Variants in DLGAP1 observed in about 807,000 individuals in gnomAD.
The protein encoded by DLGAP1 is DLG associated protein 1.
DLGAP1 carries 11 observed loss-of-function variants against 90.8 expected under a neutral mutation model. The observed-to-expected ratio is 0.12, with a 90% CI of 0.08 to 0.20. DLGAP1 has a LOEUF of 0.20. DLGAP1 is among the 10% of genes least tolerant of loss of function. DLGAP1 has a pLI of 1.00. For synonymous variants in DLGAP1, 558 were observed against 540.7 expected (o/e 1.03, Z -0.44); for missense variants, 1,050 against 1,333.8 (o/e 0.79, Z 3.31).
intron 3 of DLGAP1, among the ~76,000 whole-genome samples, chr18:3,985,507 G>A (rs1433990772): frequency 6.8e-6 from 1 of 147,930 alleles, no homozygotes; most frequent in East Asian, 2.0e-4. Context: ...CTTAAAGCCT[G>A]GGCCTTCGAC....
intron 1 of DLGAP1, among the ~76,000 whole-genome samples, chr18:4,162,609 T>C (rs183287599): frequency 1.5e-3 from 224 of 152,330 alleles, no homozygotes; most frequent in African/African-American, 4.8e-3. Context: ...AAAGGTTCTA[T>C]ACCTGATTTT....
At chr18:4,327,930 G>A (rs1377684946) in intron 1 of DLGAP1, among the ~76,000 whole-genome samples, 1 of 151,944 alleles carries the variant, frequency 6.6e-6, no homozygotes, top group African/African-American at 2.4e-5. Flanking sequence ...GAAGACATTT[G>A]AGTTCCTGAA....
intron 2 of DLGAP1, among the ~76,000 whole-genome samples, chr18:4,142,786 TTC>T (rs1568418574): frequency 1.3e-5 from 2 of 152,156 alleles, no homozygotes; most frequent in Non-Finnish European, 2.9e-5. Flanking sequence ...ATCTAAGTTT[TTC>T]TGTCACTATG....
At chr18:3,535,861 G>A (rs912304099) in intron 9 of DLGAP1, among the ~76,000 whole-genome samples, 21 of 151,648 alleles carry the variant, frequency 1.4e-4, no homozygotes, top group Admixed American at 1.2e-3. Context: ...GAATAATCCC[G>A]TCTCTACTAA....
chr18:4,221,007 G>A (rs2078063903), intron 1 of DLGAP1, among the ~76,000 whole-genome samples: 1 of 152,064 alleles, frequency 6.6e-6, no homozygotes, highest in Admixed American at 6.6e-5. Flanking sequence ...ACAGTCATAT[G>A]CTATACAGGT....
chr18:4,242,799 T>A (rs192625880), intron 1 of DLGAP1, among the ~76,000 whole-genome samples: 85 of 152,074 alleles, frequency 5.6e-4, no homozygotes, highest in Non-Finnish European at 1.0e-3. Context: ...GGTGAGATCA[T>A]GCATGTAGTA....
chr18:3,729,315 G>T lies in DLGAP1; in HGVS notation c.1411C>A (p.Leu471Met). ...AGCGCTTCCACGGCCTGCGACTCCA[G>T]CTCGCTGAACACGGACTCGCACACG... Reference protein sequence around the residue: ...ESVCESVFSELESQAVEALDL... With the variant: ...ESVCESVFSEMESQAVEALDL... Residue 471 changes from leucine to methionine, a missense_variant, in exon 7 of 13, where the codon CTG (leucine) becomes ATG (methionine). Physicochemically the swap from Leu to Met is conservative, Grantham distance 15. Coordinates refer to ENST00000315677, the MANE Select transcript of DLGAP1 (RefSeq NM_004746.4). This position sits in a 1 kb window ranked among gnomAD's most constrained non-coding sequence, Gnocchi z 6.2. 6.2e-7 allele frequency: 1 copy of T among 1,614,134 alleles called. No homozygotes were observed. The highest frequency in any genetic ancestry group is 8.5e-7 in the Non-Finnish European group (1 of 1,180,002).
chr18:3,700,119 C>T (rs1277699668), intron 7 of DLGAP1, among the ~76,000 whole-genome samples: 2 of 152,144 alleles, frequency 1.3e-5, no homozygotes, highest in Non-Finnish European at 2.9e-5. Context: ...AGCCCCCTTT[C>T]CAGGGTAGTG....
At chr18:3,746,572 A>C (rs1030104432) in intron 5 of DLGAP1, among the ~76,000 whole-genome samples, 37 of 152,204 alleles carry the variant, frequency 2.4e-4, no homozygotes, top group African/African-American at 8.7e-4. Flanking sequence ...AAGCAGCAAA[A>C]AGGGTTCACA....
At chr18:4,385,128 G>A (rs1315827482) in intron 1 of DLGAP1, among the ~76,000 whole-genome samples, 7 of 152,102 alleles carry the variant, frequency 4.6e-5, no homozygotes, top group Admixed American at 2.0e-4. Flanking sequence ...GGTAGACTCA[G>A]AAATAGAACC....
intron 7 of DLGAP1, among the ~76,000 whole-genome samples, chr18:3,694,939 G>GTTTTTTTTTTTTT (rs1219198458): frequency 8.8e-5 from 11 of 125,244 alleles, no homozygotes; most frequent in Non-Finnish European, 1.9e-4. Flanking sequence ...TGTTTTTTTT[G>GTTTTTTTTTTTTT]TTTTTTTTTT....
intron 5 of DLGAP1, among the ~76,000 whole-genome samples, chr18:3,789,144 A>G (rs1257079650): frequency 6.6e-6 from 1 of 152,232 alleles, no homozygotes; most frequent in Non-Finnish European, 1.5e-5. Context: ...CAGGGGAGAG[A>G]CACATGTAGA....
chr18:3,931,421 G>A (rs1482842625), intron 3 of DLGAP1, among the ~76,000 whole-genome samples: 2 of 152,110 alleles, frequency 1.3e-5, no homozygotes, highest in African/African-American at 4.8e-5. Flanking sequence ...AGAAGGGCAG[G>A]GGGTGGAAAA....
intron 1 of DLGAP1, among the ~76,000 whole-genome samples, chr18:4,306,570 G>A (rs143563738): frequency 6.6e-6 from 1 of 151,828 alleles, no homozygotes; most frequent in East Asian, 1.9e-4. Context: ...CCCTGGTTAT[G>A]GTTTAAACTA....
chr18:3,682,125 A>T (rs7506390), intron 7 of DLGAP1, among the ~76,000 whole-genome samples: 20 of 117,506 alleles, frequency 1.7e-4, no homozygotes, highest in African/African-American at 6.4e-4. Context: ...TCAAAAAAAA[A>T]AAAAATAAAA....
intron 1 of DLGAP1, among the ~76,000 whole-genome samples, chr18:4,300,541 A>T (rs1459782614): frequency 1.3e-5 from 2 of 152,072 alleles, no homozygotes; most frequent in Non-Finnish European, 2.9e-5. Context: ...AAATTTTTTT[A>T]TATTTGTTTT....
chr18:3,551,021 G>A (rs548461099), intron 9 of DLGAP1, among the ~76,000 whole-genome samples: 147 of 151,896 alleles, frequency 9.7e-4, no homozygotes, highest in African/African-American at 3.4e-3. Context: ...GATTACAGGC[G>A]TGAGCCACCA....
intron 2 of DLGAP1, among the ~76,000 whole-genome samples, chr18:4,119,169 A>G (rs1462487888): frequency 6.6e-6 from 1 of 152,084 alleles, no homozygotes; most frequent in Non-Finnish European, 1.5e-5. Context: ...ACAGTACACT[A>G]TAGCCTCGAA....
chr18:3,560,137 T>C (rs1309332992), intron 9 of DLGAP1, among the ~76,000 whole-genome samples: 1 of 151,534 alleles, frequency 6.6e-6, no homozygotes, highest in African/African-American at 2.4e-5. Context: ...ATGAGAAAAA[T>C]GGGCCAGGCG....
Sources: gnomAD v4.1 joint callset for allele counts (sites outside exome capture counted in the v4.1 genomes callset) on GRCh38, gnomAD v4.1.1 for gene constraint, Gnocchi (gnomAD v3.1) non-coding constraint, MANE v1.5 for transcripts, NCBI Gene and HGNC (gene_info 2026-07-23, HGNC 2026-07-21) for gene names.